The following ADGRL3 variants were observed in gnomAD, a reference collection of about 807,000 sequenced individuals.
ADGRL3 encodes calcium-independent alpha-latrotoxin receptor 3.
Under a neutral mutation model 153.5 loss-of-function variants are expected in ADGRL3, and 62 were observed. That is an observed-to-expected ratio of 0.40 (90% confidence interval 0.33 to 0.50). The LOEUF is 0.50. Ranked by LOEUF, ADGRL3 falls within the 20% of genes least tolerant of loss-of-function variation. The pLI, the probability that ADGRL3 is intolerant of heterozygous loss-of-function variation, is 0.47. For synonymous variants in ADGRL3, 710 were observed against 672.5 expected, an observed-to-expected ratio of 1.06 and a Z score of -0.86; for missense variants, 1,641 against 1,859.4, an observed-to-expected ratio of 0.88 and a Z score of 2.16.
intron 6 of ADGRL3, among the ~76,000 whole-genome samples, chr4:61,714,875 C>T (rs2151532924): frequency 6.6e-6 from 1 of 152,232 alleles, no homozygotes; most frequent in East Asian, 1.9e-4. Context: ...AATCAAAGTT[C>T]TTGTCTTGGG....
At chr4:61,709,199 C>T (rs1325302276) in intron 6 of ADGRL3, among the ~76,000 whole-genome samples, 1 of 152,072 alleles carries the variant, frequency 6.6e-6, no homozygotes, top group African/African-American at 2.4e-5. Context: ...CCATTTCTAC[C>T]ACGTTGTATC....
intron 2 of ADGRL3, among the ~76,000 whole-genome samples, chr4:61,404,601 T>C (rs183575771): frequency 6.6e-5 from 10 of 152,230 alleles, no homozygotes; most frequent in Admixed American, 6.5e-4. Context: ...TGGGTGTGAC[T>C]GCTGAGAAGT....
At chr4:61,935,333 A>G (rs2098833933) in intron 14 of ADGRL3, among the ~76,000 whole-genome samples, 1 of 152,190 alleles carries the variant, frequency 6.6e-6, no homozygotes, top group Non-Finnish European at 1.5e-5. Context: ...TTAAAATTTC[A>G]TCCTCTTAAT....
At chr4:61,700,736 T>C (rs1561087257) in intron 6 of ADGRL3, among the ~76,000 whole-genome samples, 1 of 152,186 alleles carries the variant, frequency 6.6e-6, no homozygotes, top group Admixed American at 6.5e-5. Context: ...AAATGTTTAC[T>C]TGTTGGATTT....
chr4:61,596,024 G>A (rs984845884), intron 5 of ADGRL3, among the ~76,000 whole-genome samples: 1 of 152,134 alleles, frequency 6.6e-6, no homozygotes, highest in East Asian at 1.9e-4. Context: ...CATGACCACA[G>A]CCGGGGAATG....
intron 1 of ADGRL3, among the ~76,000 whole-genome samples, chr4:61,256,911 G>T (rs1028969418): frequency 2.6e-5 from 4 of 151,944 alleles, no homozygotes; most frequent in African/African-American, 9.7e-5. Flanking sequence ...CAGTTTTTTT[G>T]ATTCTCTTTC....
intron 13 of ADGRL3, among the ~76,000 whole-genome samples, chr4:61,928,501 T>C (rs141369623): frequency 7.0e-4 from 107 of 152,336 alleles, no homozygotes; most frequent in African/African-American, 2.2e-3. Context: ...AAAACTCTTA[T>C]GTTTTTCTTC....
chr4:61,534,044 T>A (rs2098639908), intron 4 of ADGRL3, among the ~76,000 whole-genome samples: 1 of 152,158 alleles, frequency 6.6e-6, no homozygotes, highest in African/African-American at 2.4e-5. Context: ...CAGAAGAGTT[T>A]TTTCTAGGTT....
At chr4:61,865,509 G>C (rs888771268) in intron 9 of ADGRL3, among the ~76,000 whole-genome samples, 7 of 152,130 alleles carry the variant, frequency 4.6e-5, no homozygotes, top group African/African-American at 1.4e-4. Flanking sequence ...TGTACCATAT[G>C]CTTTCGTTGC....
At chr4:61,768,195 G>A (rs1306227572) in intron 8 of ADGRL3, among the ~76,000 whole-genome samples, 2 of 152,066 alleles carry the variant, frequency 1.3e-5, no homozygotes. Flanking sequence ...CTTTTTAAGA[G>A]TAAATTGCTG....
intron 8 of ADGRL3, among the ~76,000 whole-genome samples, chr4:61,766,146 G>C (rs1030501810): frequency 1.3e-5 from 2 of 152,084 alleles, no homozygotes; most frequent in Non-Finnish European, 2.9e-5. Context: ...TGGGGGTCAG[G>C]TGTGGTATCA....
At chr4:61,483,990 A>G (rs2098161838) in intron 2 of ADGRL3, among the ~76,000 whole-genome samples, 1 of 151,900 alleles carries the variant, frequency 6.6e-6, no homozygotes, top group Non-Finnish European at 1.5e-5. Context: ...ATTTAAATAT[A>G]TTAAATAAAT....
rs371984340 is a variant in ADGRL3, at chr4:61,471,354, GTAT to G, written c.-173-25760_-173-25758del. On this transcript the variant is annotated intron_variant, in intron 2 of 26. Coordinates refer to ENST00000683033, the MANE Select transcript of ADGRL3 (RefSeq NM_001387552.1). The stretch of plus-strand genomic sequence containing the variant: ...ATAAAATGCATTTATTTTTTGATAA[GTAT>G]TATTATAAAATAGAAAATATTGGTA... Among the ~76,000 whole-genome samples the G allele has an allele frequency of 4.0e-5, 6 of 151,580 alleles. No homozygotes were observed. The South Asian group carries it at 1.2e-3, about 32-fold the overall frequency.
At chr4:61,654,975 G>C (rs1463699553) in intron 5 of ADGRL3, among the ~76,000 whole-genome samples, 1 of 152,150 alleles carries the variant, frequency 6.6e-6, no homozygotes, top group Non-Finnish European at 1.5e-5. Flanking sequence ...AAATGAGGAT[G>C]AAACAGTGTT....
chr4:61,663,871 C>G (rs1486710737), intron 5 of ADGRL3, among the ~76,000 whole-genome samples: 4 of 152,098 alleles, frequency 2.6e-5, no homozygotes. Flanking sequence ...AAAACCACAA[C>G]TTTGAAAAAG....
Position 61,413,004 on chromosome 4 carries a change from C to T in ADGRL3, c.-174+29815C>T, listed in dbSNP as rs1362918012. On this transcript the variant is annotated intron_variant, in intron 2 of 26. Transcript: ENST00000683033. The stretch of plus-strand genomic sequence containing the variant: ...GATTTTCAGTTGAAAACTGGATGAT[C>T]TGTGTATTAGGTTATGAGGCTCTGG... Among the ~76,000 whole-genome samples, 6 of 152,120 alleles carry T rather than the reference C, an allele frequency of 3.9e-5. No individual in the cohort carries two copies. The South Asian group carries it at 1.2e-3, about 32-fold the overall frequency.
At chr4:62,004,484 C>T (rs2099151101) in intron 21 of ADGRL3, among the ~76,000 whole-genome samples, 1 of 151,512 alleles carries the variant, frequency 6.6e-6, no homozygotes, top group South Asian at 2.1e-4. Flanking sequence ...ACTGATATAC[C>T]GATTTTTATT....
At chr4:61,399,856 G>A (rs2096909594) in intron 2 of ADGRL3, among the ~76,000 whole-genome samples, 1 of 151,708 alleles carries the variant, frequency 6.6e-6, no homozygotes, top group Non-Finnish European at 1.5e-5. Context: ...TCTTATAGAT[G>A]TTAAGGTAGA....
At chr4:61,430,734 C>T (rs2097346354) in intron 2 of ADGRL3, among the ~76,000 whole-genome samples, 1 of 151,998 alleles carries the variant, frequency 6.6e-6, no homozygotes, top group African/African-American at 2.4e-5. Context: ...TTCTCATTGC[C>T]CCTTATATAA....
Sources: gnomAD v4.1 joint callset for allele counts (sites outside exome capture counted in the v4.1 genomes callset) on GRCh38, gnomAD v4.1.1 for gene constraint, MANE v1.5 for transcripts, NCBI Gene and HGNC (gene_info 2026-07-23, HGNC 2026-07-21) for gene names.